Variants in NFILZ observed in about 807,000 individuals in gnomAD.
NFILZ encodes NFIL3 like basic leucine zipper, also known as NFIL3 like protein.
chr19:8,636,036 C>T (rs1187468600), intron 3 of NFILZ, among the ~76,000 whole-genome samples: 1 of 151,898 alleles, frequency 6.6e-6, no homozygotes, highest in Non-Finnish European at 1.5e-5. Context: ...GGGGTTTCAC[C>T]GTATTGCCCA....
At chr19:8,662,640 C>CTT (rs57110522) in intron 3 of NFILZ, among the ~76,000 whole-genome samples, 22 of 139,584 alleles carry the variant, frequency 1.6e-4, no homozygotes, top group African/African-American at 5.0e-4. Flanking sequence ...CCTTTTCTTC[C>CTT]TTTTTTTTTT....
chr19:8,644,835 C>T (rs1025070119), intron 3 of NFILZ, among the ~76,000 whole-genome samples: 11 of 149,340 alleles, frequency 7.4e-5, no homozygotes, highest in Non-Finnish European at 1.0e-4. Context: ...GGCATGATCT[C>T]GGCTTACCAC....
chr19:8,652,942 TTC>T (rs1294227362), intron 3 of NFILZ, among the ~76,000 whole-genome samples: 1,992 of 136,336 alleles, frequency 0.015, 188 homozygotes, highest in Middle Eastern at 0.039. Context: ...CTTTCTCTCT[TTC>T]TCTCTCTTTC....
Position 8,662,158 on chromosome 19 carries a change from T to C in NFILZ, c.-163-12393T>C, listed in dbSNP as rs562185921. ...AGGGTGAGGCTGCAGTGAGCCATGA[T>C]TGCACCACAACACTCAGGCCTGGGT... On this transcript the variant is annotated intron_variant, in intron 3 of 5. Transcript: ENST00000691075. 3.3e-5 allele frequency among the ~76,000 whole-genome samples: 5 copies of C among 149,516 alleles called. No individual in the cohort carries two copies. The South Asian group carries it at 1.0e-3, about 31-fold the overall frequency.
intron 3 of NFILZ, among the ~76,000 whole-genome samples, chr19:8,667,017 T>G (rs2043065188): frequency 6.6e-6 from 1 of 151,934 alleles, no homozygotes. Flanking sequence ...CCCAAAGTGT[T>G]GGCATTACAG....
intron 3 of NFILZ, among the ~76,000 whole-genome samples, chr19:8,637,923 A>AAAAAAAG (rs2042902125): frequency 6.7e-6 from 1 of 149,362 alleles, no homozygotes; most frequent in Admixed American, 6.7e-5. Context: ...AAAAAAAAAA[A>AAAAAAAG]AAAAAAAAAA....
chr19:8,674,626 TG>T (rs1329184709), intron 4 of NFILZ, among the ~76,000 whole-genome samples, 26 bp downstream of exon 4: 1 of 152,142 alleles, frequency 6.6e-6, no homozygotes, highest in Non-Finnish European at 1.5e-5. Flanking sequence ...CAAACATTTT[TG>T]TATTCTTTTT....
intron 3 of NFILZ, among the ~76,000 whole-genome samples, chr19:8,641,174 C>T (rs1008392856): frequency 2.0e-5 from 3 of 151,900 alleles, no homozygotes; most frequent in Admixed American, 6.6e-5. Context: ...CTCAGCCTCC[C>T]GCGTAGCTGG....
intron 3 of NFILZ, among the ~76,000 whole-genome samples, chr19:8,652,458 T>A (rs2042968644): frequency 6.6e-6 from 1 of 152,278 alleles, no homozygotes. Context: ...TAGGTGTAGA[T>A]GTTTGCAAGT....
At chr19:8,660,060 C>G (rs1014728874) in intron 3 of NFILZ, among the ~76,000 whole-genome samples, 1 of 152,156 alleles carries the variant, frequency 6.6e-6, no homozygotes, top group South Asian at 2.1e-4. Flanking sequence ...CCCAGAGGAG[C>G]TGTGTCTTGG....
chr19:8,657,044 C>T (rs1282821390), intron 3 of NFILZ, among the ~76,000 whole-genome samples: 1 of 151,542 alleles, frequency 6.6e-6, no homozygotes, highest in African/African-American at 2.4e-5. Flanking sequence ...ATTCTGGGGG[C>T]TCTGCTGTTG....
chr19:8,656,336 T>TCCTCCCGCAGCGCACCTCCTC (rs2042996176), intron 3 of NFILZ, among the ~76,000 whole-genome samples: 1 of 44,498 alleles, frequency 2.2e-5, no homozygotes, highest in African/African-American at 9.6e-5. Flanking sequence ...GCCCCCTTCT[T>TCCTCCCGCAGCGCACCTCCTC]CCTGAAGCCC....
intron 3 of NFILZ, among the ~76,000 whole-genome samples, chr19:8,656,616 T>C (rs1354867120): frequency 1.3e-5 from 2 of 152,092 alleles, no homozygotes; most frequent in Non-Finnish European, 2.9e-5. Flanking sequence ...GCAGCCCCCG[T>C]ACCTGGCCCT....
intron 3 of NFILZ, among the ~76,000 whole-genome samples, chr19:8,668,192 C>T (rs1367182106): frequency 2.6e-5 from 4 of 152,112 alleles, no homozygotes; most frequent in African/African-American, 9.7e-5. Flanking sequence ...CTCAAGTGAT[C>T]TGCCTGCCTT....
intron 3 of NFILZ, among the ~76,000 whole-genome samples, chr19:8,671,960 C>A (rs1369244380): frequency 6.6e-6 from 1 of 152,170 alleles, no homozygotes; most frequent in Non-Finnish European, 1.5e-5. Flanking sequence ...CAGGCCCAGC[C>A]CTTTGTGGGG....
Position 8,678,083 on chromosome 19 carries a change from T to C in NFILZ, c.*448T>C, listed in dbSNP as rs2043122391. Among the ~76,000 whole-genome samples the C allele has an allele frequency of 9.4e-5, 1 of 10,592 alleles. No homozygotes were observed. Among genetic ancestry groups the C allele is most frequent in the African/African-American group, 2.7e-4 (1 of 3,746 alleles). The allele number at this position is 10,592 out of a possible 152,430, so 6.9% of individuals were successfully genotyped here. On this transcript the variant is annotated 3_prime_UTR_variant, in exon 6 of 6. Coordinates refer to ENST00000691075, the MANE Select transcript of NFILZ (RefSeq NM_001378600.1). Reference sequence around the variant, plus strand: ...ATCTATTCATCCATCCATCAATCCATCCATCCATTCCATCCATCCATCCAT... The same window carrying C: ...ATCTATTCATCCATCCATCAATCCACCCATCCATTCCATCCATCCATCCAT...
At chr19:8,675,487 T>A (rs2043106501) in intron 4 of NFILZ, among the ~76,000 whole-genome samples, 1 of 152,218 alleles carries the variant, frequency 6.6e-6, no homozygotes, top group Non-Finnish European at 1.5e-5. Context: ...GGGAATCTAA[T>A]AACTTTGATT....
At chr19:8,640,316 G>GGTTTTTTTT (rs2042913789) in intron 3 of NFILZ, among the ~76,000 whole-genome samples, 1 of 124,238 alleles carries the variant, frequency 8.0e-6, no homozygotes, top group Non-Finnish European at 1.7e-5. Context: ...TCCTGCTGTA[G>GGTTTTTTTT]TTTTTTTTTT....
intron 3 of NFILZ, among the ~76,000 whole-genome samples, chr19:8,656,492 T>C (rs1436992709): frequency 0.032 from 656 of 20,790 alleles, 10 homozygotes; most frequent in Non-Finnish European, 0.046. Flanking sequence ...CAGCCCACCT[T>C]CTCCCGCAGC....
Sources: allele counts gnomAD v4.1 joint callset (sites outside exome capture counted in the v4.1 genomes callset), GRCh38; gene constraint gnomAD v4.1.1; transcripts MANE v1.5; gene names NCBI Gene and HGNC (gene_info 2026-07-23, HGNC 2026-07-21).